Variants in ARHGAP40 observed in about 807,000 individuals in gnomAD.
ARHGAP40 encodes the protein Rho GTPase activating protein 40, also known as rho GTPase-activating protein 40.
Under a neutral mutation model 73.5 loss-of-function variants are expected in ARHGAP40, and 43 were observed. The ratio of observed to expected loss-of-function variants is 0.58; its 90% CI spans 0.46 to 0.75. The LOEUF is 0.75. Among genes scored for constraint, ARHGAP40 ranks in the 30% least tolerant of loss-of-function variants. The pLI is 0.00. For missense variants in ARHGAP40, 734 were observed against 861.8 expected (o/e 0.85, Z 1.86); for synonymous variants, 300 against 352.8 (o/e 0.85, Z 1.68).
chr20:38,634,580 T>C (rs930046108), intron 5 of ARHGAP40, 40 bp from the exon 6 acceptor site: 2 of 1,300,232 alleles, frequency 1.5e-6, no homozygotes, highest in Non-Finnish European at 1.0e-6. Context: ...ATCAGACTCA[T>C]AGCCTGACAA....
intron 13 of ARHGAP40, 107 bp downstream of exon 13, chr20:38,647,233 C>A: frequency 1.9e-6 from 2 of 1,042,382 alleles, no homozygotes; most frequent in Non-Finnish European, 2.5e-6. Flanking sequence ...CCTGACCTGG[C>A]CTTCCCTTTC....
chr20:38,633,598 G>T (rs2088954746), intron 5 of ARHGAP40, among the ~76,000 whole-genome samples: 1 of 152,150 alleles, frequency 6.6e-6, no homozygotes, highest in African/African-American at 2.4e-5. Context: ...AACCCCGGGG[G>T]ATGTGACTCC....
chr20:38,627,621 G>GTGTC (rs113196336), intron 3 of ARHGAP40, among the ~76,000 whole-genome samples: 1 of 139,132 alleles, frequency 7.2e-6, no homozygotes, highest in Admixed American at 7.2e-5. Context: ...GTGTGTTGGT[G>GTGTC]TGTGTGTGTT....
chr20:38,650,613 G>C (rs748455461), exon 15 of ARHGAP40: 1 of 470,994 alleles, frequency 2.1e-6, no homozygotes, highest in African/African-American at 2.0e-5. Context: ...ATATGTAAAC[G>C]TAATTGTTTA....
intron 1 of ARHGAP40, among the ~76,000 whole-genome samples, chr20:38,609,292 G>A (rs2088791250): frequency 6.6e-6 from 1 of 152,074 alleles, no homozygotes; most frequent in African/African-American, 2.4e-5. Context: ...CACCTGGAAG[G>A]CTTGTGCAAA....
chr20:38,647,947 A>G (rs2089064609), intron 13 of ARHGAP40, among the ~76,000 whole-genome samples: 1 of 152,236 alleles, frequency 6.6e-6, no homozygotes, highest in South Asian at 2.1e-4. Context: ...TCCTGCAGCA[A>G]GGAGCAGAGC....
rs78190665 is a variant in ARHGAP40 at position 38,629,553 on chromosome 20, A to G, written c.686A>G (p.Asn229Ser). The change falls in exon 5 of 15, where the codon AAC (asparagine) becomes AGC (serine). Residue 229 changes from asparagine (N) to serine (S), a missense_variant. By Grantham distance (46) the Asn-to-Ser change is conservative. Coordinates refer to ENST00000373345, the Ensembl canonical transcript of ARHGAP40. ...CAGGCTGGGAGGGAAGAAGCCTTCAACATGGACTCTGCCTACTCAGAACAA... is the reference window on the plus strand; with the variant it reads ...CAGGCTGGGAGGGAAGAAGCCTTCAGCATGGACTCTGCCTACTCAGAACAA... 2.4e-3 allele frequency: 3,146 copies of G among 1,305,416 alleles called. 56 individuals carry two copies. The African/African-American group carries it at 0.039, about 16-fold the overall frequency. 80.9% of individuals were successfully genotyped at this position (1,305,416 alleles called of 1,614,324 possible).
chr20:38,605,848 A>G (rs1018781698), intron 1 of ARHGAP40, among the ~76,000 whole-genome samples: 2 of 152,192 alleles, frequency 1.3e-5, no homozygotes, highest in African/African-American at 2.4e-5. Flanking sequence ...TTCCATCTTT[A>G]TAATATCTTT....
chr20:38,635,392 A>C (rs1217409142), intron 6 of ARHGAP40, among the ~76,000 whole-genome samples: 3 of 152,140 alleles, frequency 2.0e-5, no homozygotes, highest in Non-Finnish European at 4.4e-5. Context: ...GTTTGGGAGC[A>C]GTGGCTCACA....
rs1385435271 is a variant in ARHGAP40 at position 38,627,179 on chromosome 20, AGATGTCAGG to A, written c.529_537del (p.Arg177_Val179del). ...GAAGACAACACAAGACACCTGTCAG[AGATGTCAGG>A]GATGTCTTTGGGGTCTTCAATTCAG... On this transcript the variant is annotated inframe_deletion, in exon 3 of 15. Coordinates refer to ENST00000373345, the Ensembl canonical transcript of ARHGAP40. 2.3e-6 allele frequency: 3 copies of A among 1,305,414 alleles called. No individual in the cohort carries two copies. The Admixed American group carries it at 6.9e-5, about 30-fold the overall frequency. The allele number at this position is 1,305,414 out of a possible 1,614,324, so 80.9% of individuals were successfully genotyped here.
At chr20:38,611,787 G>A (rs1254422424) in intron 1 of ARHGAP40, among the ~76,000 whole-genome samples, 1 of 151,676 alleles carries the variant, frequency 6.6e-6, no homozygotes, top group East Asian at 1.9e-4. Context: ...TGTTAGCCAG[G>A]ATGATCTCGA....
At chr20:38,649,928 C>T (rs2089078939) in exon 15 of ARHGAP40, 1 of 1,034,110 alleles carries the variant, frequency 9.7e-7, no homozygotes, top group African/African-American at 1.7e-5. Flanking sequence ...AGCATGAGAA[C>T]AAAGCTATTC....
intron 10 of ARHGAP40, 103 bp downstream of exon 10, chr20:38,641,911 GC>G: frequency 1.1e-6 from 1 of 931,704 alleles, no homozygotes; most frequent in Non-Finnish European, 1.4e-6. Context: ...CAACAACTCT[GC>G]CAGGTGCTAG....
chr20:38,649,385 G>A (rs940284793), intron 14 of ARHGAP40, among the ~76,000 whole-genome samples: 4 of 152,222 alleles, frequency 2.6e-5, no homozygotes, highest in African/African-American at 9.7e-5. Flanking sequence ...GGGACAGAGT[G>A]AAGGAGGATA....
intron 1 of ARHGAP40, among the ~76,000 whole-genome samples, chr20:38,613,255 G>T (rs147273263): frequency 3.9e-5 from 6 of 152,078 alleles, no homozygotes; most frequent in African/African-American, 1.4e-4. Context: ...AATATTTGTC[G>T]TCTCAGAGGT....
chr20:38,643,612 A>T, intron 10 of ARHGAP40, 92 bp from the exon 11 acceptor site: 1 of 1,080,568 alleles, frequency 9.3e-7, no homozygotes, highest in Non-Finnish European at 1.2e-6. Context: ...CCTTCCTAGC[A>T]CCCCCTTATC....
Position 38,628,914 on chromosome 20 carries a change from G to A in ARHGAP40, c.559-13G>A, listed in dbSNP as rs1258713764. 7.7e-7 allele frequency: 1 copy of A among 1,303,298 alleles called. No individual in the cohort carries two copies. Among genetic ancestry groups the A allele is most frequent in the Non-Finnish European group, 1.0e-6 (1 of 987,850 alleles). The allele number at this position is 1,303,298 out of a possible 1,614,324, so 80.7% of individuals were successfully genotyped here. A position where few individuals can be genotyped will look rare whatever the true frequency, so the allele number is the denominator to read the frequency against. On this transcript the variant is annotated splice_polypyrimidine_tract_variant and intron_variant, in intron 3 of 14. Coordinates refer to ENST00000373345, the Ensembl canonical transcript of ARHGAP40. ...CCACATGAGTAATTGGGCACTGTCT[G>A]TAATTTGCATAGAAAATGTCGTCAG...
chr20:38,624,219 G>C (rs2088887914), intron 2 of ARHGAP40, among the ~76,000 whole-genome samples: 1 of 152,080 alleles, frequency 6.6e-6, no homozygotes, highest in South Asian at 2.1e-4. Context: ...CCATCAGGGG[G>C]CCTCATCTGG....
chr20:38,650,550 C>G (rs1004503881), exon 15 of ARHGAP40: 2 of 465,900 alleles, frequency 4.3e-6, no homozygotes, highest in African/African-American at 4.0e-5. Context: ...CTTCACAGCT[C>G]TCATGCTTTA....
Sources: gnomAD v4.1 joint callset for allele counts (sites outside exome capture counted in the v4.1 genomes callset) on GRCh38, gnomAD v4.1.1 for gene constraint, MANE v1.5 for transcripts, NCBI Gene and HGNC (gene_info 2026-07-23, HGNC 2026-07-21) for gene names.